CFAP54: variants seen among roughly 807,000 people sequenced by gnomAD.
The protein encoded by CFAP54 is cilia- and flagella-associated protein 54.
In CFAP54, 290 loss-of-function variants were observed where a neutral mutation model predicts 370.4. That is an observed-to-expected ratio of 0.78 (90% confidence interval 0.71 to 0.86). The LOEUF is 0.86. CFAP54 is among the 40% of genes least tolerant of loss of function. The pLI is 0.00. For missense variants in CFAP54, 3,399 were observed against 3,528.7 expected (o/e 0.96, Z 0.93); for synonymous variants, 1,206 against 1,236.5 (o/e 0.98, Z 0.52).
chr12:96,746,776 C>T (rs1054272715), intron 55 of CFAP54, among the ~76,000 whole-genome samples: 7 of 152,138 alleles, frequency 4.6e-5, no homozygotes, highest in South Asian at 2.1e-4. Context: ...TTTGCACATG[C>T]GATTTTCTCC....
intron 60 of CFAP54, among the ~76,000 whole-genome samples, chr12:96,771,545 G>T (rs550096380): frequency 6.6e-6 from 1 of 152,246 alleles, no homozygotes; most frequent in Admixed American, 6.5e-5. Context: ...CCAGCTACTC[G>T]GGAGGCTGAG....
At chr12:96,808,720 G>A (rs773942862) in intron 63 of CFAP54, among the ~76,000 whole-genome samples, 14 of 152,156 alleles carry the variant, frequency 9.2e-5, no homozygotes, top group Non-Finnish European at 1.9e-4. Flanking sequence ...CCAATCATTA[G>A]TATGCACATT....
chr12:96,551,580 A>T (rs1955695242), intron 15 of CFAP54, among the ~76,000 whole-genome samples: 3 of 151,970 alleles, frequency 2.0e-5, no homozygotes, highest in African/African-American at 7.3e-5. Flanking sequence ...AGGATGATTT[A>T]ACACTAGAAA....
At chr12:96,541,897 C>G (rs546285538) in intron 14 of CFAP54, among the ~76,000 whole-genome samples, 9 of 152,048 alleles carry the variant, frequency 5.9e-5, no homozygotes, top group East Asian at 5.8e-4. Flanking sequence ...CCTAGCACCC[C>G]CTCCCCACCA....
At chr12:96,536,626 CTTTTTTT>C (rs10638883) in intron 12 of CFAP54, among the ~76,000 whole-genome samples, 3 of 138,142 alleles carry the variant, frequency 2.2e-5, no homozygotes, top group Non-Finnish European at 4.7e-5. Context: ...TTTTCTTTTT[CTTTTTTT>C]TTTTTTTTTT....
chr12:96,727,243 G>C (rs1313725363), intron 50 of CFAP54, among the ~76,000 whole-genome samples: 1 of 152,074 alleles, frequency 6.6e-6, no homozygotes, highest in Middle Eastern at 3.2e-3. Flanking sequence ...TTAACTTTCT[G>C]TCTCGTTGAT....
At chr12:96,620,045 G>C (rs1956468905) in intron 26 of CFAP54, among the ~76,000 whole-genome samples, 1 of 152,028 alleles carries the variant, frequency 6.6e-6, no homozygotes, top group Non-Finnish European at 1.5e-5. Context: ...AAATTTATTT[G>C]GCACTTTCTT....
chr12:96,639,663 C>T (rs1392160302), intron 32 of CFAP54, among the ~76,000 whole-genome samples: 15 of 152,102 alleles, frequency 9.9e-5, no homozygotes, highest in Non-Finnish European at 1.5e-4. Context: ...TGATGAACAT[C>T]GATGCAAAAA....
At position 96,801,135 on chromosome 12, in the gene CFAP54, A is replaced by G. The variant is rs117445291; in HGVS notation, c.8850+8636A>G. On this transcript the variant is annotated intron_variant, in intron 63 of 67. Transcript: ENST00000524981. ...TCACCACATTGAAGCATAAATACCA[A>G]TAGGAACTAGGGATGCTGGTGGCAG... is the stretch of plus-strand genomic sequence containing the variant. Among the ~76,000 whole-genome samples the G allele has an allele frequency of 8.5e-5, 13 of 152,338 alleles. No individual in the cohort carries two copies. In the East Asian group the frequency reaches 1.3e-3, roughly 16 times the overall value.
At chr12:96,601,331 T>C (rs1015006859) in intron 26 of CFAP54, among the ~76,000 whole-genome samples, 2 of 152,228 alleles carry the variant, frequency 1.3e-5, no homozygotes, top group Non-Finnish European at 2.9e-5. Flanking sequence ...GGATAAGCTT[T>C]TTGATGTGCT....
At chr12:96,772,429 C>T (rs1958472053) in intron 60 of CFAP54, among the ~76,000 whole-genome samples, 1 of 152,160 alleles carries the variant, frequency 6.6e-6, no homozygotes, top group Admixed American at 6.5e-5. Context: ...CTCCCTTTAT[C>T]TTCCAAGCCA....
intron 17 of CFAP54, among the ~76,000 whole-genome samples, chr12:96,560,631 A>T (rs191979002): frequency 6.6e-6 from 1 of 152,278 alleles, no homozygotes; most frequent in Non-Finnish European, 1.5e-5. Flanking sequence ...TGCTGTTTAT[A>T]TTCCATTGTA....
In CFAP54 at chr12:96,873,565, G is replaced by A. The variant is rs1197510646; in HGVS notation, c.*15-1553G>A. On this transcript the variant is annotated intron_variant, in intron 67 of 67. Coordinates refer to ENST00000524981, the MANE Select transcript of CFAP54 (RefSeq NM_001306084.2). ...AGTTTTCCTGTTGGCAGCAACAGTG[G>A]CCATAGCAGTTCCAAGACACATTCT... Among the ~76,000 whole-genome samples the A allele has an allele frequency of 3.3e-5, 5 of 152,088 alleles. No individual in the cohort carries two copies. In the East Asian group the frequency reaches 9.6e-4, roughly 29 times the overall value.
chr12:96,519,102 GT>G (rs377034711), intron 6 of CFAP54, 31 bp downstream of exon 6: 28,787 of 1,300,212 alleles, frequency 0.022, no homozygotes, highest in South Asian at 0.034. Flanking sequence ...GAGGAGTCGA[GT>G]TTTTTTTTTT....
At chr12:96,605,224 A>G (rs1348311332) in intron 26 of CFAP54, among the ~76,000 whole-genome samples, 6 of 152,216 alleles carry the variant, frequency 3.9e-5, no homozygotes, top group Non-Finnish European at 7.3e-5. Flanking sequence ...CCTGCATATC[A>G]TCTTATCAGG....
At chr12:96,749,259 G>A (rs1253681232) in intron 55 of CFAP54, among the ~76,000 whole-genome samples, 1 of 152,200 alleles carries the variant, frequency 6.6e-6, no homozygotes, top group African/African-American at 2.4e-5. Flanking sequence ...GGGCAGACAG[G>A]CTTTCTCAAG....
At position 96,664,804 on chromosome 12, in the gene CFAP54, TATATATATAG is replaced by T. The variant is rs1271810465; in HGVS notation, c.5563+882_5563+891del. Among the ~76,000 whole-genome samples, 177 of 46,740 alleles carry T rather than the reference TATATATATAG, an allele frequency of 3.8e-3. 4 individuals are homozygous for T. The highest frequency in any genetic ancestry group is 0.011 in the East Asian group (9 of 830). The allele number at this position is 46,740 out of a possible 152,430, so 30.7% of individuals were successfully genotyped here. ...ATATATATATATATATATATATATATATATATATAGATATATATATGTATATCCCATAATG... is the reference window on the plus strand; with the variant it reads ...ATATATATATATATATATATATATATATATATATATGTATATCCCATAATG... On this transcript the variant is annotated intron_variant, in intron 39 of 67. Transcript: ENST00000524981.
chr12:96,764,383 G>T, intron 59 of CFAP54, 134 bp downstream of exon 59: 1 of 587,734 alleles, frequency 1.7e-6, no homozygotes, highest in South Asian at 2.8e-5. Flanking sequence ...AGCACTTTGG[G>T]AGGCTGAGGC....
At chr12:96,671,323 A>C (rs770261089) in intron 39 of CFAP54, among the ~76,000 whole-genome samples, 2 of 151,680 alleles carry the variant, frequency 1.3e-5, no homozygotes, top group Non-Finnish European at 2.9e-5. Flanking sequence ...AATTCCCTTT[A>C]CTCTGCCATA....
Sources: gnomAD v4.1 joint callset for allele counts (sites outside exome capture counted in the v4.1 genomes callset) on GRCh38, gnomAD v4.1.1 for gene constraint, MANE v1.5 for transcripts, NCBI Gene and HGNC (gene_info 2026-07-23, HGNC 2026-07-21) for gene names.